Variants in BCL2L13 observed in about 807,000 individuals in gnomAD.
BCL2L13 encodes the protein BCL2 like 13.
Under a neutral mutation model 25.8 loss-of-function variants are expected in BCL2L13, and 13 were observed. That is an observed-to-expected ratio of 0.50 (90% CI 0.33 to 0.80). The LOEUF (loss-of-function observed/expected upper bound fraction) is 0.80, where lower values mean the gene tolerates loss of function less well. Among genes scored for constraint, BCL2L13 ranks in the 30% least tolerant of loss-of-function variants. The probability of loss-of-function intolerance (pLI) is 0.02; values close to 1 mark genes in which losing one functional copy is unlikely to be tolerated. For synonymous variants in BCL2L13, 244 were observed against 230.3 expected, an observed-to-expected ratio of 1.06 and a Z score of -0.54; for missense variants, 504 against 574.9, an observed-to-expected ratio of 0.88 and a Z score of 1.26.
intron 2 of BCL2L13, among the ~76,000 whole-genome samples, chr22:17,677,743 G>A (rs561130721): frequency 6.6e-6 from 1 of 152,170 alleles, no homozygotes; most frequent in South Asian, 2.1e-4. Context: ...GTGGTGGTGT[G>A]CACCTGTAGT....
intron 2 of BCL2L13, among the ~76,000 whole-genome samples, chr22:17,658,574 A>T (rs1004989908): frequency 6.6e-5 from 10 of 151,854 alleles, no homozygotes; most frequent in Admixed American, 6.6e-4. Flanking sequence ...CACGCCTGTA[A>T]TCCCAGCTAC....
chr22:17,726,866 A>G lies in BCL2L13; in HGVS notation c.790A>G (p.Thr264Ala). Residue 264 changes from threonine to alanine, a missense_variant, in exon 7 of 7, where the codon ACA (threonine) becomes GCA (alanine). Coordinates refer to ENST00000317582, the MANE Select transcript of BCL2L13 (RefSeq NM_015367.4). ...VSLSASQSWH[T>A]ESLPVSLGPE... ...ACTGTCAGCTAGCCAGAGTTGGCAC[A>G]CAGAAAGCCTGCCAGTGTCACTAGG... 1 of 1,613,990 alleles carries G rather than the reference A, an allele frequency of 6.2e-7. No homozygotes were observed. The highest frequency in any genetic ancestry group is 8.5e-7 in the Non-Finnish European group (1 of 1,179,846).
rs1283414218 is a variant in BCL2L13 at position 17,631,560 on chromosome 22, TACAGTGTTTGTCAGGCTAGTCTCGA to T, written c.-650+2558_-650+2582del. 5.3e-5 allele frequency among the ~76,000 whole-genome samples: 8 copies of T among 149,656 alleles called. No individual in the cohort carries two copies. In the East Asian group the frequency reaches 1.4e-3, roughly 26 times the overall value. On this transcript the variant is annotated intron_variant, in intron 1 of 6. Coordinates refer to the BCL2L13 transcript ENST00000399782. ...TATTTTTAAAATTGAGACAGAGTCC[TACAGTGTTTGTCAGGCTAGTCTCGA>T]ACTCCTGGGCTCAGGGGATCCTCCC...
chr22:17,629,449 T>C (rs886718659), intron 1 of BCL2L13, among the ~76,000 whole-genome samples: 1 of 152,144 alleles, frequency 6.6e-6, no homozygotes, highest in African/African-American at 2.4e-5. Flanking sequence ...TGAGATAGCC[T>C]ATATATTTTT....
chr22:17,629,862 G>A (rs1050437736), intron 1 of BCL2L13, among the ~76,000 whole-genome samples: 1 of 148,900 alleles, frequency 6.7e-6, no homozygotes, highest in African/African-American at 2.6e-5. Flanking sequence ...CTATTTTAGT[G>A]TGTCATAAGA....
At chr22:17,631,217 C>A (rs775973446) in intron 1 of BCL2L13, among the ~76,000 whole-genome samples, 1 of 151,858 alleles carries the variant, frequency 6.6e-6, no homozygotes, top group Non-Finnish European at 1.5e-5. Context: ...CTGCCTCAGC[C>A]TCTCCAGTAG....
intron 4 of BCL2L13, among the ~76,000 whole-genome samples, chr22:17,689,842 CAAAA>C (rs66645091): frequency 1.0e-5 from 1 of 97,462 alleles, no homozygotes; most frequent in Non-Finnish European, 2.1e-5. Context: ...GACTCCATCT[CAAAA>C]AAAAAAAAAA....
At chr22:17,673,570 G>A (rs1172397358) in intron 2 of BCL2L13, among the ~76,000 whole-genome samples, 1 of 150,280 alleles carries the variant, frequency 6.7e-6, no homozygotes, top group African/African-American at 2.5e-5. Flanking sequence ...GTAGAGATGG[G>A]GTTTCACTGT....
At chr22:17,662,550 C>G (rs1020221146) in intron 2 of BCL2L13, among the ~76,000 whole-genome samples, 1 of 151,954 alleles carries the variant, frequency 6.6e-6, no homozygotes, top group Non-Finnish European at 1.5e-5. Context: ...GGCTGGGTGT[C>G]ATGGCTCACA....
At chr22:17,663,569 TTTAC>T (rs1229291487) in intron 2 of BCL2L13, among the ~76,000 whole-genome samples, 2 of 152,202 alleles carry the variant, frequency 1.3e-5, no homozygotes, top group African/African-American at 4.8e-5. Flanking sequence ...AATTGTGATT[TTTAC>T]TTTTCATTCA....
rs190000472 is a variant in BCL2L13 at position 17,631,815 on chromosome 22, G to A, written c.-650+2810G>A. On this transcript the variant is annotated intron_variant, in intron 1 of 6. Transcript: ENST00000399782. Reference sequence around the variant, plus strand: ...CAGCTCACTGCAACTTCCACCTCCCGGGTTCAAGTGATTCTTCTGCCTCAG... The same window carrying A: ...CAGCTCACTGCAACTTCCACCTCCCAGGTTCAAGTGATTCTTCTGCCTCAG... 2.8e-5 allele frequency among the ~76,000 whole-genome samples: 4 copies of A among 141,572 alleles called. No individual in the cohort carries two copies. In the East Asian group the frequency reaches 9.4e-4, roughly 33 times the overall value. 92.9% of individuals were successfully genotyped at this position (141,572 alleles called of 152,430 possible).
rs1286244696 is a variant in BCL2L13 at position 17,730,708 on chromosome 22, G to A, written c.*3174G>A. On this transcript the variant is annotated 3_prime_UTR_variant, in exon 7 of 7. Coordinates refer to ENST00000317582, the MANE Select transcript of BCL2L13 (RefSeq NM_015367.4). ...AGGTGGTGATCATACCCATCAAGAC[G>A]GCCTTGTAGGCTATCTGATTGCTAA... 5 of 151,882 alleles carry A rather than the reference G, an allele frequency of 3.3e-5. No homozygotes were observed. Among genetic ancestry groups the A allele is most frequent in the Admixed American group, 1.3e-4 (2 of 15,238 alleles). The allele number at this position is 151,882 out of a possible 1,614,324, so 9.4% of individuals were successfully genotyped here.
At chr22:17,723,634 C>G (rs1041601640) in intron 6 of BCL2L13, among the ~76,000 whole-genome samples, 1 of 152,108 alleles carries the variant, frequency 6.6e-6, no homozygotes, top group East Asian at 1.9e-4. Flanking sequence ...AATCTAAGCA[C>G]TATAAATACT....
At chr22:17,671,664 A>G (rs1419753808) in intron 2 of BCL2L13, among the ~76,000 whole-genome samples, 1 of 152,018 alleles carries the variant, frequency 6.6e-6, no homozygotes, top group Non-Finnish European at 1.5e-5. Context: ...TTCTGAGCTC[A>G]GGCGATCTTT....
chr22:17,671,393 CAAAAAA>C (rs33951569), intron 2 of BCL2L13, among the ~76,000 whole-genome samples: 8 of 69,102 alleles, frequency 1.2e-4, no homozygotes, highest in African/African-American at 4.4e-4. Context: ...GACTCCATCT[CAAAAAA>C]AAAAAAAAAA....
At chr22:17,691,595 G>A (rs5992791) in intron 4 of BCL2L13, among the ~76,000 whole-genome samples, 17,608 of 151,944 alleles carry the variant, frequency 0.12, 1,235 homozygotes, top group African/African-American at 0.18. Context: ...GCAGTGAGCC[G>A]AGATTGCACC....
intron 1 of BCL2L13, among the ~76,000 whole-genome samples, chr22:17,650,202 T>TA (rs1568927703): frequency 6.6e-6 from 1 of 152,164 alleles, no homozygotes; most frequent in Non-Finnish European, 1.5e-5. Context: ...CTTGACATGT[T>TA]ACTACGTTTG....
intron 2 of BCL2L13, among the ~76,000 whole-genome samples, chr22:17,679,587 C>T (rs1665745092): frequency 6.6e-6 from 1 of 151,616 alleles, no homozygotes; most frequent in Admixed American, 6.6e-5. Context: ...CTCTTTTTAT[C>T]CTAAATTTTT....
intron 1 of BCL2L13, among the ~76,000 whole-genome samples, chr22:17,652,127 T>C (rs116142885): frequency 0.022 from 3,293 of 152,288 alleles, 116 homozygotes; most frequent in African/African-American, 0.074. Context: ...GTGGAAAATA[T>C]CATATGTTGA....
Sources: gnomAD v4.1 joint callset for allele counts (sites outside exome capture counted in the v4.1 genomes callset) on GRCh38, gnomAD v4.1.1 for gene constraint, MANE v1.5 for transcripts, NCBI Gene and HGNC (gene_info 2026-07-23, HGNC 2026-07-21) for gene names.